The following ZNF582 variants were observed in gnomAD, a reference collection of about 807,000 sequenced individuals.
ZNF582 encodes zinc finger protein 582.
In ZNF582, 14 loss-of-function variants were observed where a neutral mutation model predicts 12.3. That is an observed-to-expected ratio of 1.14 (90% CI 0.75 to 1.78). The LOEUF (loss-of-function observed/expected upper bound fraction) is 1.78. Among genes scored for constraint, ZNF582 ranks in the 40% most tolerant of loss-of-function variants. The pLI is 0.00. For missense variants in ZNF582, 567 were observed against 616.5 expected (o/e 0.92, Z 0.85); for synonymous variants, 210 against 207.2 (o/e 1.01, Z -0.11).
Position 56,384,689 on chromosome 19 carries a change from ATAAAATTT to A in ZNF582, c.720_727del (p.Asn241ThrfsTer9). ...ACCAGTATGAACTCTCTGATGTTGT[ATAAAATTT>A]GAACCAGAATTGAAGGCCTTTCCAC... On this transcript the variant is annotated frameshift_variant, in exon 5 of 5. Transcript: ENST00000586929. LOFTEE classifies it low-confidence loss of function (END_TRUNC). 1 of 1,613,168 alleles carries A rather than the reference ATAAAATTT, an allele frequency of 6.2e-7. No individual in the cohort carries two copies. Among genetic ancestry groups the A allele is most frequent in the Non-Finnish European group, 8.5e-7 (1 of 1,179,688 alleles).
intron 2 of ZNF582, among the ~76,000 whole-genome samples, chr19:56,390,784 T>A (rs897023058): frequency 1.3e-5 from 2 of 152,184 alleles, no homozygotes; most frequent in African/African-American, 4.8e-5. Flanking sequence ...AACAGTGTAA[T>A]AAAGCACACT....
intron 4 of ZNF582, among the ~76,000 whole-genome samples, chr19:56,388,024 G>T (rs1302418605): frequency 6.6e-6 from 1 of 152,120 alleles, no homozygotes; most frequent in East Asian, 1.9e-4. Flanking sequence ...TGTGAGGTTT[G>T]GCATTCTTGC....
intron 4 of ZNF582, among the ~76,000 whole-genome samples, chr19:56,388,719 G>A (rs941848265): frequency 2.6e-5 from 4 of 151,918 alleles, no homozygotes; most frequent in African/African-American, 7.3e-5. Context: ...TGCAATCTCC[G>A]CCTCCCGTGT....
exon 5 of ZNF582, chr19:56,385,004 T>C (rs760369187): frequency 6.2e-7 from 1 of 1,614,044 alleles, no homozygotes; most frequent in Non-Finnish European, 8.5e-7. Flanking sequence ...CTGATGGAAA[T>C]GTCTGTCTGG....
chr19:56,388,914 G>A (rs1293641565), intron 4 of ZNF582, among the ~76,000 whole-genome samples: 1 of 152,100 alleles, frequency 6.6e-6, no homozygotes, highest in East Asian at 1.9e-4. Context: ...ACCATGCCCG[G>A]CCCCTAGTGT....
At position 56,390,405 on chromosome 19, in the gene ZNF582, A is replaced by G. The variant is rs945175737; in HGVS notation, c.106T>C (p.Leu36=). The stretch of plus-strand genomic sequence containing the variant: ...GAGACCAGGTTGCTGTAGGTCTCCA[A>G]CATCACGTCTCTGTACAAATCCCTC... Residue 36 remains leucine, a synonymous_variant, in exon 3 of 5, where the codon TTG becomes CTG. Coordinates refer to ENST00000586929, the Ensembl canonical transcript of ZNF582. The G allele has an allele frequency of 1.9e-6, 3 of 1,614,072 alleles. No homozygotes were observed. In the African/African-American group the frequency reaches 4.0e-5, roughly 22 times the overall value.
Position 56,390,098 on chromosome 19 carries a change from T to C in ZNF582, c.137-2A>G, listed in dbSNP as rs1160922769. The C allele has an allele frequency of 6.2e-7, 1 of 1,613,358 alleles. No individual in the cohort carries two copies. The highest frequency in any genetic ancestry group is 8.5e-7 in the Non-Finnish European group (1 of 1,179,748). On this transcript the variant is annotated splice_acceptor_variant, in intron 3 of 4. Transcript: ENST00000586929. LOFTEE classifies it high-confidence loss of function. ...CATCAGGTTTGGAAACGGCAAGACC[T>C]GGAGATGAGAAGAAACATGCCACCT...
At chr19:56,392,364 T>C (rs1309905143) in intron 1 of ZNF582, among the ~76,000 whole-genome samples, 2 of 152,208 alleles carry the variant, frequency 1.3e-5, no homozygotes, top group African/African-American at 4.8e-5. Context: ...ATGCCTTGCA[T>C]CAACAAATGG....
chr19:56,384,419 T>C, exon 5 of ZNF582: 3 of 1,600,178 alleles, frequency 1.9e-6, no homozygotes, highest in South Asian at 1.1e-5. Flanking sequence ...CCTGCCAGTA[T>C]GAACAGTCTG....
At chr19:56,390,192 G>A in intron 3 of ZNF582, 96 bp from the exon 4 acceptor site, 1 of 1,370,984 alleles carries the variant, frequency 7.3e-7, no homozygotes, top group Non-Finnish European at 1.0e-6. Flanking sequence ...GCAGTTGCAG[G>A]AAGTGCCAGA....
chr19:56,393,371 G>C, exon 1 of ZNF582: 1 of 857,426 alleles, frequency 1.2e-6, no homozygotes, highest in Non-Finnish European at 1.7e-6. Context: ...TCTCAGGCCT[G>C]AGACCCAACC....
At chr19:56,392,461 G>T (rs1286822128) in intron 1 of ZNF582, among the ~76,000 whole-genome samples, 1 of 152,202 alleles carries the variant, frequency 6.6e-6, no homozygotes, top group Admixed American at 6.5e-5. Context: ...TCCTTCCATA[G>T]AGACACAGCA....
chr19:56,391,707 T>C, intron 2 of ZNF582, 37 bp downstream of exon 2: 1 of 1,594,098 alleles, frequency 6.3e-7, no homozygotes. Context: ...AGTTTCAAGA[T>C]AAGGAAAGCA....
At chr19:56,393,486 G>A (rs1159994896) in exon 1 of ZNF582, 4 of 511,208 alleles carry the variant, frequency 7.8e-6, no homozygotes, top group African/African-American at 3.9e-5. Context: ...CGCGCCCCCG[G>A]CAGCCCAGGG....
At chr19:56,384,453 G>A (rs2041946603) in exon 5 of ZNF582, 4 of 1,598,990 alleles carry the variant, frequency 2.5e-6, no homozygotes, top group South Asian at 1.1e-5. Context: ...TGAGAACGAT[G>A]ACTAAAGGTT....
chr19:56,390,240 G>T, intron 3 of ZNF582, 135 bp downstream of exon 3: 1 of 1,426,966 alleles, frequency 7.0e-7, no homozygotes, highest in Non-Finnish European at 9.7e-7. Flanking sequence ...GGGGGATGCA[G>T]CTTCAGCCGA....
At chr19:56,393,165 C>T in intron 1 of ZNF582, 55 bp downstream of exon 1, 1 of 1,225,574 alleles carries the variant, frequency 8.2e-7, no homozygotes, top group Non-Finnish European at 1.1e-6. Flanking sequence ...GCACGCATAA[C>T]AGTGAATGCA....
rs750648430 is a variant in ZNF582 at position 56,390,388 on chromosome 19, G to A, written c.123C>T (p.Asn41=). 2.5e-6 allele frequency: 4 copies of A among 1,614,046 alleles called. No individual in the cohort carries two copies. The African/African-American group carries it at 5.3e-5, about 22-fold the overall frequency. The change falls in exon 3 of 5, where the codon AAC becomes AAT. Residue 41 remains asparagine (N), a synonymous_variant. Coordinates refer to ENST00000586929, the Ensembl canonical transcript of ZNF582. ...AGATCACCTTACCCAGTGAGACCAG[G>A]TTGCTGTAGGTCTCCAACATCACGT...
intron 2 of ZNF582, 144 bp from the exon 3 acceptor site, chr19:56,390,645 T>A (rs932350039): frequency 1.3e-6 from 1 of 776,452 alleles, no homozygotes; most frequent in Admixed American, 2.6e-5. Flanking sequence ...ACAGAAGAAA[T>A]GGGGATGAGT....
Sources: allele counts gnomAD v4.1 joint callset (sites outside exome capture counted in the v4.1 genomes callset), GRCh38; gene constraint gnomAD v4.1.1; transcripts MANE v1.5; gene names NCBI Gene and HGNC (gene_info 2026-07-23, HGNC 2026-07-21).